TAF2: variants seen among roughly 807,000 people sequenced by gnomAD.
TAF2 encodes transcription initiation factor TFIID subunit 2.
In TAF2, 61 loss-of-function variants were observed where a neutral mutation model predicts 138.5. That is an observed-to-expected ratio of 0.44 (90% confidence interval 0.36 to 0.54). TAF2 has a LOEUF of 0.54. TAF2 is among the 20% of genes least tolerant of loss of function. The probability of loss-of-function intolerance (pLI) is 0.00; values close to 1 mark genes in which losing one functional copy is unlikely to be tolerated. For missense variants in TAF2, 1,090 were observed against 1,427.9 expected (o/e 0.76, Z 3.81); for synonymous variants, 475 against 469.9 (o/e 1.01, Z -0.14).
intron 25 of TAF2, among the ~76,000 whole-genome samples, chr8:119,736,503 A>G (rs1253368478): frequency 6.6e-6 from 1 of 152,236 alleles, no homozygotes; most frequent in African/African-American, 2.4e-5. Flanking sequence ...TAGACTGAAA[A>G]TGACTGCTCA....
intron 18 of TAF2, among the ~76,000 whole-genome samples, chr8:119,776,273 A>C (rs1384571488): frequency 6.6e-6 from 1 of 151,900 alleles, no homozygotes; most frequent in Non-Finnish European, 1.5e-5. Flanking sequence ...AAATTATTTG[A>C]ATGTTAAACT....
intron 25 of TAF2, among the ~76,000 whole-genome samples, chr8:119,740,491 T>TAAAAA (rs34577375): frequency 1.2e-5 from 1 of 86,902 alleles, no homozygotes; most frequent in African/African-American, 4.7e-5. Context: ...CTGTCTCTAC[T>TAAAAA]AAAAAAAAAA....
At chr8:119,798,301 T>C (rs796449575) in intron 6 of TAF2, among the ~76,000 whole-genome samples, 42 of 152,326 alleles carry the variant, frequency 2.8e-4, no homozygotes, top group African/African-American at 9.6e-4. Flanking sequence ...CCTCTAATAT[T>C]TCAATTACAC....
At chr8:119,826,854 GGGGTTATA>G (rs1225307989) in intron 2 of TAF2, among the ~76,000 whole-genome samples, 1 of 152,100 alleles carries the variant, frequency 6.6e-6, no homozygotes, top group Non-Finnish European at 1.5e-5. Context: ...CCAAAGTGCT[GGGGTTATA>G]GGCGTGAGCC....
chr8:119,817,095 C>G (rs960257782), intron 3 of TAF2, among the ~76,000 whole-genome samples: 1 of 152,082 alleles, frequency 6.6e-6, no homozygotes, highest in African/African-American at 2.4e-5. Context: ...ACTAAGTGGC[C>G]ATGGCCAACA....
intron 24 of TAF2, among the ~76,000 whole-genome samples, chr8:119,743,605 A>T (rs953302579): frequency 6.6e-6 from 1 of 152,170 alleles, no homozygotes; most frequent in African/African-American, 2.4e-5. Context: ...ATCTCTCAAA[A>T]AACATGGCAA....
At chr8:119,771,850 AT>A (rs1355175605) in intron 18 of TAF2, among the ~76,000 whole-genome samples, 5 of 152,342 alleles carry the variant, frequency 3.3e-5, no homozygotes, top group Admixed American at 3.3e-4. Context: ...CCTAACAGAC[AT>A]TTACAGATCA....
intron 25 of TAF2, among the ~76,000 whole-genome samples, chr8:119,742,051 C>T (rs1010962205): frequency 6.6e-6 from 1 of 152,186 alleles, no homozygotes; most frequent in Non-Finnish European, 1.5e-5. Flanking sequence ...GAGAATATAG[C>T]ATCAAGTCTT....
At chr8:119,797,879 T>C (rs756777994) in intron 6 of TAF2, 33 bp from the exon 7 acceptor site, 8 of 1,605,180 alleles carry the variant, frequency 5.0e-6, no homozygotes, top group Non-Finnish European at 6.8e-6. Flanking sequence ...ATCATCTAAA[T>C]GAAAGAGTTA....
At chr8:119,801,649 C>G in intron 6 of TAF2, 145 bp downstream of exon 6, 1 of 752,758 alleles carries the variant, frequency 1.3e-6, no homozygotes, top group Non-Finnish European at 2.3e-6. Flanking sequence ...AGGATGGTCT[C>G]GATCTCCTGA....
chr8:119,754,713 C>T (rs1465101268), intron 22 of TAF2, among the ~76,000 whole-genome samples: 1 of 151,982 alleles, frequency 6.6e-6, no homozygotes, highest in Non-Finnish European at 1.5e-5. Flanking sequence ...ATATCCACTG[C>T]TCTCCCACTA....
chr8:119,765,880 T>C (rs1821388063), intron 18 of TAF2, among the ~76,000 whole-genome samples: 1 of 152,222 alleles, frequency 6.6e-6, no homozygotes, highest in Non-Finnish European at 1.5e-5. Flanking sequence ...AGAGGTACTA[T>C]TACTAACACG....
chr8:119,781,055 T>C lies in TAF2; in HGVS notation c.2251A>G (p.Lys751Glu). The change falls in exon 17 of 26, where the codon AAG (lysine) becomes GAG (glutamate). Residue 751 changes from lysine to glutamate, a missense_variant and splice_region_variant. Coordinates refer to ENST00000378164, the MANE Select transcript of TAF2 (RefSeq NM_003184.4). Reference protein sequence around the residue: ...FMSFQSYFLQKTMPVAMALLR... With the variant: ...FMSFQSYFLQETMPVAMALLR... ...GAAAATTAGAAAGTAAACTGTACCT[T>C]CTGTAGAAAATAGCTTTGAAAGCTC... 3 of 1,612,620 alleles carry C rather than the reference T, an allele frequency of 1.9e-6. No individual in the cohort carries two copies. Among genetic ancestry groups the C allele is most frequent in the Non-Finnish European group, 2.5e-6 (3 of 1,179,814 alleles).
intron 1 of TAF2, 99 bp downstream of exon 1, chr8:119,832,382 CT>C (rs1826516302): frequency 5.5e-6 from 6 of 1,093,122 alleles, no homozygotes; most frequent in Non-Finnish European, 8.2e-6. Flanking sequence ...TAGTTTCCCA[CT>C]AGGTTTCCCA....
intron 3 of TAF2, among the ~76,000 whole-genome samples, chr8:119,807,391 T>C (rs568618750): frequency 2.6e-5 from 4 of 152,228 alleles, no homozygotes; most frequent in South Asian, 4.1e-4. Context: ...AAGCAACTTA[T>C]ATGTGTACAT....
At chr8:119,759,197 ATAAT>A (rs1216626046) in intron 20 of TAF2, among the ~76,000 whole-genome samples, 3 of 152,154 alleles carry the variant, frequency 2.0e-5, no homozygotes, top group Non-Finnish European at 4.4e-5. Flanking sequence ...GTTTTTATAA[ATAAT>A]TATTTCTAAC....
At chr8:119,742,382 G>T in intron 25 of TAF2, 152 bp downstream of exon 25, 1 of 890,188 alleles carries the variant, frequency 1.1e-6, no homozygotes, top group Non-Finnish European at 1.6e-6. Context: ...AGTCTTTAAA[G>T]TTAGACAATA....
At position 119,806,268 on chromosome 8, in the gene TAF2, CTCT is replaced by C. The variant is rs1563908005; in HGVS notation, c.418+12_418+14del. On this transcript the variant is annotated intron_variant, in intron 4 of 25. Coordinates refer to ENST00000378164, the MANE Select transcript of TAF2 (RefSeq NM_003184.4). ...GTGATTTTAGTGTACAGTCAATATA[CTCT>C]TGGTGCTTTACCATCAACGTGTTTC... The C allele has an allele frequency of 1.3e-6, 2 of 1,599,528 alleles. No individual in the cohort carries two copies. Among genetic ancestry groups the C allele is most frequent in the Non-Finnish European group, 1.7e-6 (2 of 1,167,000 alleles).
At chr8:119,792,808 C>T (rs993822072) in intron 10 of TAF2, among the ~76,000 whole-genome samples, 11 of 152,102 alleles carry the variant, frequency 7.2e-5, no homozygotes, top group Non-Finnish European at 1.5e-4. Flanking sequence ...CATTCTTTCC[C>T]GCTGGAGGAT....
Sources: allele counts gnomAD v4.1 joint callset (sites outside exome capture counted in the v4.1 genomes callset), GRCh38; gene constraint gnomAD v4.1.1; transcripts MANE v1.5; gene names NCBI Gene and HGNC (gene_info 2026-07-23, HGNC 2026-07-21).